Variants in ASTN2 observed in about 807,000 individuals in gnomAD.
ASTN2 encodes astrotactin 2.
Under a neutral mutation model 139.8 loss-of-function variants are expected in ASTN2, and 54 were observed. The ratio of observed to expected loss-of-function variants is 0.39; its 90% confidence interval spans 0.31 to 0.48. The LOEUF (loss-of-function observed/expected upper bound fraction) is 0.48. Among genes scored for constraint, ASTN2 ranks in the 20% least tolerant of loss-of-function variants. ASTN2 has a pLI of 0.95. For synonymous variants in ASTN2, 756 were observed against 719.5 expected, an observed-to-expected ratio of 1.05 and a Z score of -0.81; for missense variants, 1,565 against 1,725.1, an observed-to-expected ratio of 0.91 and a Z score of 1.64.
At chr9:117,233,191 C>A (rs906778558) in intron 2 of ASTN2, among the ~76,000 whole-genome samples, 1 of 152,134 alleles carries the variant, frequency 6.6e-6, no homozygotes, top group African/African-American at 2.4e-5. Flanking sequence ...CAGGGAGGGG[C>A]TGCAACTGGG....
rs548038995 is a variant in ASTN2, at chr9:116,784,701, G to A, written c.2396+20931C>T. ...TCCCAGCACTTTGGGAAGTTGAGGT[G>A]GGTGAATCACCTGAAGTTGGGAGTT... On this transcript the variant is annotated intron_variant, in intron 13 of 22. Coordinates refer to ENST00000313400, the MANE Select transcript of ASTN2 (RefSeq NM_001365068.1). 1.7e-4 allele frequency among the ~76,000 whole-genome samples: 26 copies of A among 152,150 alleles called. No individual in the cohort carries two copies. In the South Asian group the frequency reaches 5.2e-3, roughly 30 times the overall value.
chr9:117,339,047 G>C (rs1828982281), intron 1 of ASTN2, among the ~76,000 whole-genome samples: 1 of 152,094 alleles, frequency 6.6e-6, no homozygotes, highest in South Asian at 2.1e-4. Context: ...GCTGCTGCTT[G>C]AGCTGCTGTT....
rs139204979 is a variant in ASTN2, at chr9:116,812,009, T to C, written c.2208-6189A>G. Among the ~76,000 whole-genome samples, 100 of 152,330 alleles carry C rather than the reference T, an allele frequency of 6.6e-4. 1 individual carries two copies. Among genetic ancestry groups the C allele is most frequent in the East Asian group, 3.3e-3 (17 of 5,182 alleles). On this transcript the variant is annotated intron_variant, in intron 12 of 22. Coordinates refer to ENST00000313400, the MANE Select transcript of ASTN2 (RefSeq NM_001365068.1). ...AAATAAGGTATACATATAATTTGTATATATTTTTACATGTGGAATTATCAT... is the reference window on the plus strand; with the variant it reads ...AAATAAGGTATACATATAATTTGTACATATTTTTACATGTGGAATTATCAT...
At chr9:116,646,872 G>A (rs1038949270) in intron 17 of ASTN2, among the ~76,000 whole-genome samples, 1 of 152,182 alleles carries the variant, frequency 6.6e-6, no homozygotes, top group Non-Finnish European at 1.5e-5. Context: ...ACCACATGTT[G>A]TACAGTTCTG....
At chr9:117,102,076 A>G (rs1828991860) in intron 4 of ASTN2, among the ~76,000 whole-genome samples, 2 of 152,212 alleles carry the variant, frequency 1.3e-5, no homozygotes, top group South Asian at 4.1e-4. Context: ...TCAAACAAGT[A>G]TCTGTACATG....
chr9:116,710,733 CAAAAAAAAAAAAAA>C (rs57745448), intron 16 of ASTN2, among the ~76,000 whole-genome samples: 3 of 72,578 alleles, frequency 4.1e-5, no homozygotes, highest in Non-Finnish European at 7.6e-5. Context: ...AACTCCGTCT[CAAAAAAAAAAAAAA>C]AAAAAAAAAA....
chr9:116,528,834 C>A (rs144261118), intron 19 of ASTN2, among the ~76,000 whole-genome samples: 6 of 152,190 alleles, frequency 3.9e-5, no homozygotes, highest in Admixed American at 1.3e-4. Context: ...GCAAGCCCCA[C>A]GTCTTGGTGG....
intron 5 of ASTN2, among the ~76,000 whole-genome samples, chr9:117,069,044 C>G (rs1480527975): frequency 2.7e-5 from 2 of 73,868 alleles, no homozygotes; most frequent in Non-Finnish European, 5.6e-5. Context: ...TTCTTGCCTT[C>G]TGCTAGCTTT....
intron 3 of ASTN2, among the ~76,000 whole-genome samples, chr9:117,202,056 G>A (rs1204229454): frequency 6.6e-6 from 1 of 152,156 alleles, no homozygotes; most frequent in Non-Finnish European, 1.5e-5. Flanking sequence ...AGAATAGTTA[G>A]CTCTTCTTGT....
chr9:116,927,726 C>A (rs1447531196), intron 10 of ASTN2, among the ~76,000 whole-genome samples: 3 of 152,196 alleles, frequency 2.0e-5, no homozygotes, highest in Admixed American at 6.5e-5. Context: ...ACATAAGCAT[C>A]TCGGGGCTGG....
chr9:116,776,093 C>T (rs1391558249), intron 13 of ASTN2, among the ~76,000 whole-genome samples: 1 of 152,170 alleles, frequency 6.6e-6, no homozygotes, highest in Non-Finnish European at 1.5e-5. Context: ...CCTTGCATGG[C>T]TTGCATCTAT....
At chr9:116,435,988 C>T (rs563337460) in intron 22 of ASTN2, among the ~76,000 whole-genome samples, 5 of 152,294 alleles carry the variant, frequency 3.3e-5, no homozygotes, top group South Asian at 2.1e-4. Context: ...TGCTCTAAAA[C>T]GCTTGTCCAT....
chr9:116,908,197 G>C (rs1043135746), intron 10 of ASTN2, among the ~76,000 whole-genome samples: 3 of 152,178 alleles, frequency 2.0e-5, no homozygotes, highest in Non-Finnish European at 4.4e-5. Flanking sequence ...TTTTCAGAAA[G>C]GGAGAGAAAG....
At chr9:116,794,853 G>A (rs114389515) in intron 13 of ASTN2, among the ~76,000 whole-genome samples, 1,681 of 152,324 alleles carry the variant, frequency 0.011, 37 homozygotes, top group African/African-American at 0.038. Flanking sequence ...GTAGGTGAGC[G>A]AGACTGATGT....
At chr9:117,051,641 C>G (rs1838915285) in intron 5 of ASTN2, among the ~76,000 whole-genome samples, 3 of 152,294 alleles carry the variant, frequency 2.0e-5, no homozygotes, top group East Asian at 1.9e-4. Flanking sequence ...TGTTGCCCAT[C>G]ATTCTTTTAT....
intron 10 of ASTN2, among the ~76,000 whole-genome samples, chr9:116,959,134 C>G (rs146092617): frequency 7.9e-5 from 12 of 152,152 alleles, no homozygotes; most frequent in African/African-American, 2.9e-4. Flanking sequence ...AGTGTGACCA[C>G]TGGGAGATGG....
chr9:116,901,153 C>T (rs535348690), intron 10 of ASTN2, among the ~76,000 whole-genome samples: 221 of 151,792 alleles, frequency 1.5e-3, no homozygotes, highest in African/African-American at 5.1e-3. Flanking sequence ...TTCATATGGC[C>T]ATTTTTACTT....
chr9:116,964,662 A>C lies in ASTN2; in HGVS notation c.1889+10546T>G, dbSNP rs553934637. ...AAACAAGCCTTTGAAACTATAGGAC[A>C]CAATTCAAGGGCCCTATGATGTGGG... is the stretch of plus-strand genomic sequence containing the variant. On this transcript the variant is annotated intron_variant, in intron 10 of 22. Coordinates refer to ENST00000313400, the MANE Select transcript of ASTN2 (RefSeq NM_001365068.1). 6.6e-5 allele frequency among the ~76,000 whole-genome samples: 10 copies of C among 152,320 alleles called. No homozygotes were observed. In the South Asian group the frequency reaches 1.9e-3, roughly 28 times the overall value.
intron 2 of ASTN2, among the ~76,000 whole-genome samples, chr9:117,275,492 G>A (rs1483288822): frequency 1.3e-5 from 2 of 151,634 alleles, no homozygotes; most frequent in South Asian, 2.1e-4. Flanking sequence ...GATGGACACC[G>A]TCTTGCCCTG....
Sources: allele counts gnomAD v4.1 joint callset (sites outside exome capture counted in the v4.1 genomes callset), GRCh38; gene constraint gnomAD v4.1.1; transcripts MANE v1.5; gene names NCBI Gene and HGNC (gene_info 2026-07-23, HGNC 2026-07-21).